The following PTTG1IP2 variants were observed in gnomAD, a reference collection of about 807,000 sequenced individuals.
The protein encoded by PTTG1IP2 is PTTG1IP family member 2.
At chr7:90,472,483 G>A (rs1019901111) in intron 1 of PTTG1IP2, among the ~76,000 whole-genome samples, 11 of 152,158 alleles carry the variant, frequency 7.2e-5, no homozygotes, top group African/African-American at 2.4e-4. Context: ...ATAGCTCCAA[G>A]GAAATAAATT....
intron 1 of PTTG1IP2, among the ~76,000 whole-genome samples, chr7:90,471,116 G>T (rs1468423664): frequency 6.6e-6 from 1 of 152,184 alleles, no homozygotes; most frequent in Non-Finnish European, 1.5e-5. Flanking sequence ...GAAACACCTT[G>T]CCTGCCAAGG....
At chr7:90,502,039 G>A (rs905979850) in intron 6 of PTTG1IP2, among the ~76,000 whole-genome samples, 1 of 152,202 alleles carries the variant, frequency 6.6e-6, no homozygotes, top group African/African-American at 2.4e-5. Flanking sequence ...ACCAGGAGTA[G>A]TTTCCATTTC....
intron 2 of PTTG1IP2, among the ~76,000 whole-genome samples, chr7:90,483,709 A>T (rs1184210823): frequency 6.6e-6 from 1 of 152,210 alleles, no homozygotes; most frequent in Non-Finnish European, 1.5e-5. Flanking sequence ...TTAATCACTC[A>T]TTCCTTTTGG....
At chr7:90,470,997 C>T (rs905958019) in intron 1 of PTTG1IP2, among the ~76,000 whole-genome samples, 5 of 144,080 alleles carry the variant, frequency 3.5e-5, no homozygotes, top group African/African-American at 1.0e-4. Context: ...AGAAAGAAAA[C>T]AAATAAAATA....
Position 90,513,268 on chromosome 7 carries a change from T to C in PTTG1IP2, c.*51-10T>C, listed in dbSNP as rs1195277049. 6.6e-6 allele frequency: 1 copy of C among 152,656 alleles called. No individual in the cohort carries two copies. The highest frequency in any genetic ancestry group is 1.5e-5 in the Non-Finnish European group (1 of 68,040). 9.5% of individuals were successfully genotyped at this position (152,656 alleles called of 1,614,324 possible). A position where few individuals can be genotyped will look rare whatever the true frequency, so the allele number is the denominator to read the frequency against. Reference sequence around the variant, plus strand: ...TATTTCCAATAATGAATGTGTCTTTTTTCTTTCAGGCTTCCTTCAGGATTT... The same window carrying C: ...TATTTCCAATAATGAATGTGTCTTTCTTCTTTCAGGCTTCCTTCAGGATTT... On this transcript the variant is annotated splice_polypyrimidine_tract_variant and intron_variant, in intron 6 of 6. Coordinates refer to ENST00000509356, the MANE Select transcript of PTTG1IP2 (RefSeq NM_001365443.2).
At chr7:90,489,619 G>C (rs1366170600) in intron 4 of PTTG1IP2, among the ~76,000 whole-genome samples, 6 of 151,428 alleles carry the variant, frequency 4.0e-5, no homozygotes, top group Admixed American at 6.6e-5. Flanking sequence ...TTTACATTCT[G>C]TTCTGTGGCC....
chr7:90,490,953 A>G (rs1243111778), intron 4 of PTTG1IP2, among the ~76,000 whole-genome samples: 2 of 152,172 alleles, frequency 1.3e-5, no homozygotes, highest in African/African-American at 4.8e-5. Flanking sequence ...TCTTCAAGAG[A>G]TCTTCTAGAC....
intron 6 of PTTG1IP2, among the ~76,000 whole-genome samples, chr7:90,497,713 T>TAAAAAAAAAAAAAAAAAAAAAAA (rs1491565834): frequency 1.4e-4 from 7 of 49,598 alleles, no homozygotes; most frequent in African/African-American, 5.1e-4. Flanking sequence ...AAAGACCCTG[T>TAAAAAAAAAAAAAAAAAAAAAAA]ATAAAAAAAA....
chr7:90,492,054 C>T (rs1289220655), intron 4 of PTTG1IP2, among the ~76,000 whole-genome samples, 185 bp from the exon 5 acceptor site: 2 of 151,812 alleles, frequency 1.3e-5, no homozygotes, highest in African/African-American at 4.8e-5. Flanking sequence ...TTGCTTGAAC[C>T]CAGGAGGTGG....
Position 90,504,733 on chromosome 7 carries a change from A to G in PTTG1IP2, c.*51-8545A>G, listed in dbSNP as rs1368012538. ...AACAGATTTTTAAAAGATATCAAAT[A>G]AAACAGCTGAAAGAAGATATAAAGG... On this transcript the variant is annotated intron_variant, in intron 6 of 6. Transcript: ENST00000509356. Among the ~76,000 whole-genome samples, 3 of 152,230 alleles carry G rather than the reference A, an allele frequency of 2.0e-5. No individual in the cohort carries two copies. In the East Asian group the frequency reaches 5.8e-4, roughly 29 times the overall value.
chr7:90,494,197 C>T (rs182346957), intron 5 of PTTG1IP2, 170 bp from the exon 6 acceptor site: 3 of 152,198 alleles, frequency 2.0e-5, no homozygotes, highest in East Asian at 1.9e-4. Context: ...GTTGATAGTA[C>T]CTTAAGTCAC....
chr7:90,481,647 T>TA (rs1797816426), intron 2 of PTTG1IP2, among the ~76,000 whole-genome samples: 1 of 152,132 alleles, frequency 6.6e-6, no homozygotes, highest in East Asian at 1.9e-4. Flanking sequence ...TTCTTATCCC[T>TA]CCTTTTAGAG....
chr7:90,472,930 C>A (rs1265338664), intron 1 of PTTG1IP2, among the ~76,000 whole-genome samples: 3 of 152,072 alleles, frequency 2.0e-5, no homozygotes, highest in South Asian at 2.1e-4. Flanking sequence ...AGGAGAGAAA[C>A]CTGGTATACC....
intron 6 of PTTG1IP2, among the ~76,000 whole-genome samples, chr7:90,511,500 G>A (rs559777992): frequency 2.0e-5 from 3 of 152,106 alleles, no homozygotes; most frequent in Non-Finnish European, 4.4e-5. Flanking sequence ...CTCTTTTTCC[G>A]TATGGTTGGT....
chr7:90,484,886 A>T (rs1214771888), intron 2 of PTTG1IP2, among the ~76,000 whole-genome samples: 2 of 152,186 alleles, frequency 1.3e-5, no homozygotes, highest in African/African-American at 4.8e-5. Flanking sequence ...CTCTTGTGGT[A>T]AATGGACATT....
At chr7:90,495,971 T>A (rs909088256) in intron 6 of PTTG1IP2, among the ~76,000 whole-genome samples, 17 of 152,018 alleles carry the variant, frequency 1.1e-4, no homozygotes, top group Non-Finnish European at 1.5e-5. Context: ...TGGGGGGGAG[T>A]ACTCTTTGAC....
chr7:90,479,228 A>G lies in PTTG1IP2; in HGVS notation c.146A>G (p.Glu49Gly), dbSNP rs984887462. 3 of 152,636 alleles carry G rather than the reference A, an allele frequency of 2.0e-5. No homozygotes were observed. The highest frequency in any genetic ancestry group is 7.2e-5 in the African/African-American group (3 of 41,462). 9.5% of individuals were successfully genotyped at this position (152,636 alleles called of 1,614,324 possible). ...NQKPRDGNEE[E>G]CAVKKSCQLC... ...TGGACTTAATTTTTTTTAATTGTAG[A>G]ATGTGCTGTAAAGAAGAGTTGTCAA... Residue 49 changes from glutamate to glycine, a missense_variant and splice_region_variant, in exon 2 of 7, where the codon GAA (glutamate) becomes GGA (glycine). Coordinates refer to ENST00000509356, the MANE Select transcript of PTTG1IP2 (RefSeq NM_001365443.2).
chr7:90,478,113 A>AAG (rs1562983910), intron 1 of PTTG1IP2, among the ~76,000 whole-genome samples: 4 of 151,400 alleles, frequency 2.6e-5, no homozygotes, highest in African/African-American at 7.3e-5. Flanking sequence ...AAAAAAAAAA[A>AAG]AAAGAAAAAG....
chr7:90,483,316 C>T (rs1028260900), intron 2 of PTTG1IP2, among the ~76,000 whole-genome samples: 2 of 152,120 alleles, frequency 1.3e-5, no homozygotes, highest in Non-Finnish European at 2.9e-5. Flanking sequence ...TCACCTGAAC[C>T]AATTCAATAT....
Sources: allele counts gnomAD v4.1 joint callset (sites outside exome capture counted in the v4.1 genomes callset), GRCh38; gene constraint gnomAD v4.1.1; transcripts MANE v1.5; gene names NCBI Gene and HGNC (gene_info 2026-07-23, HGNC 2026-07-21).